Variants in LRRTM4 observed in about 807,000 individuals in gnomAD.
The protein encoded by LRRTM4 is leucine rich repeat transmembrane neuronal 4.
Under a neutral mutation model 47.6 loss-of-function variants are expected in LRRTM4, and 25 were observed. The ratio of observed to expected loss-of-function variants is 0.53; its 90% confidence interval spans 0.38 to 0.73. The LOEUF is 0.73. Ranked by LOEUF, LRRTM4 falls within the 30% of genes least tolerant of loss-of-function variation. The pLI is 0.00. For synonymous variants in LRRTM4, 311 were observed against 269.5 expected, an observed-to-expected ratio of 1.15 and a Z score of -1.51; for missense variants, 638 against 713.4, an observed-to-expected ratio of 0.89 and a Z score of 1.20.
intron 3 of LRRTM4, among the ~76,000 whole-genome samples, chr2:76,984,249 GCTT>G (rs763400757): frequency 2.8e-4 from 43 of 151,868 alleles, no homozygotes; most frequent in African/African-American, 9.4e-4. Context: ...AATAGCAATT[GCTT>G]TTTTATATAA....
intron 3 of LRRTM4, among the ~76,000 whole-genome samples, chr2:77,281,879 A>G (rs1323271924): frequency 6.6e-6 from 1 of 151,944 alleles, no homozygotes; most frequent in Non-Finnish European, 1.5e-5. Flanking sequence ...GGCATGCTAC[A>G]TAAAAAAATT....
chr2:76,807,399 T>G (rs1269000025), intron 3 of LRRTM4, among the ~76,000 whole-genome samples: 8 of 112,308 alleles, frequency 7.1e-5, no homozygotes, highest in African/African-American at 3.2e-4. Flanking sequence ...TATATATATA[T>G]GTATATACGT....
At chr2:77,046,473 AC>A (rs1256680567) in intron 3 of LRRTM4, among the ~76,000 whole-genome samples, 1 of 152,010 alleles carries the variant, frequency 6.6e-6, no homozygotes, top group Non-Finnish European at 1.5e-5. Context: ...TTTGAAAATA[AC>A]CTGATATCCA....
intron 3 of LRRTM4, among the ~76,000 whole-genome samples, chr2:76,773,239 C>T (rs187266176): frequency 2.6e-5 from 4 of 152,204 alleles, no homozygotes; most frequent in Non-Finnish European, 5.9e-5. Context: ...GTAGCAAACC[C>T]AGATGGCCTA....
At chr2:77,059,734 A>T (rs1343371981) in intron 3 of LRRTM4, among the ~76,000 whole-genome samples, 4 of 152,234 alleles carry the variant, frequency 2.6e-5, no homozygotes, top group Admixed American at 6.5e-5. Flanking sequence ...CCCAATGATC[A>T]TTACTTGACC....
chr2:77,411,380 T>C (rs1470333218), intron 3 of LRRTM4, among the ~76,000 whole-genome samples: 2 of 151,832 alleles, frequency 1.3e-5, no homozygotes, highest in African/African-American at 4.8e-5. Flanking sequence ...ATTTCTTTCT[T>C]TCTTTCTCTC....
intron 3 of LRRTM4, among the ~76,000 whole-genome samples, chr2:76,915,542 C>T (rs1318710651): frequency 6.6e-6 from 1 of 152,060 alleles, no homozygotes; most frequent in East Asian, 1.9e-4. Context: ...TGGACCTACC[C>T]GATGTTCTGG....
chr2:76,866,612 C>T (rs1672476772), intron 3 of LRRTM4, among the ~76,000 whole-genome samples: 1 of 152,028 alleles, frequency 6.6e-6, no homozygotes. Flanking sequence ...TGTTGTGTCA[C>T]ATCACTTTAG....
intron 3 of LRRTM4, among the ~76,000 whole-genome samples, chr2:76,887,676 T>A (rs1031805851): frequency 1.3e-5 from 2 of 150,382 alleles, no homozygotes; most frequent in African/African-American, 4.9e-5. Context: ...TATATATATA[T>A]GTGCACATAT....
At chr2:77,225,037 C>A (rs1161539057) in intron 3 of LRRTM4, among the ~76,000 whole-genome samples, 5 of 151,918 alleles carry the variant, frequency 3.3e-5, no homozygotes, top group African/African-American at 9.7e-5. Context: ...TGCAGCCATA[C>A]AAAATGATGA....
rs1448069527 is a variant in LRRTM4, at chr2:77,522,153, CA to C, written c.-193del. ...TGGCTTTTGCCATTCCCAGATAAAG[CA>C]ATTCATCCTCTGGATTTTCAGTTCT... On this transcript the variant is annotated 5_prime_UTR_variant, in exon 1 of 4. In the 5' UTR this introduces an upstream ATG that the reference lacks. Coordinates refer to ENST00000409884, the MANE Select transcript of LRRTM4 (RefSeq NM_001134745.3). 5.6e-6 allele frequency: 4 copies of C among 715,420 alleles called. 1 individual carries two copies. In the East Asian group the frequency reaches 1.1e-4, roughly 19 times the overall value. 44.3% of individuals were successfully genotyped at this position (715,420 alleles called of 1,614,324 possible).
chr2:77,330,430 ATTGT>A (rs971412890), intron 3 of LRRTM4, among the ~76,000 whole-genome samples: 3 of 152,152 alleles, frequency 2.0e-5, no homozygotes, highest in Admixed American at 6.5e-5. Flanking sequence ...AATATTACTA[ATTGT>A]TTGTATTTTG....
chr2:76,821,594 T>C (rs990546637), intron 3 of LRRTM4, among the ~76,000 whole-genome samples: 1 of 151,494 alleles, frequency 6.6e-6, no homozygotes, highest in Non-Finnish European at 1.5e-5. Flanking sequence ...GGAAACAGGG[T>C]AAAATAAAAA....
intron 3 of LRRTM4, among the ~76,000 whole-genome samples, chr2:77,391,304 ACT>A (rs1673495405): frequency 6.6e-6 from 1 of 151,762 alleles, no homozygotes; most frequent in Admixed American, 6.6e-5. Flanking sequence ...CACTTGGGAA[ACT>A]CTGCAGATGG....
intron 3 of LRRTM4, among the ~76,000 whole-genome samples, chr2:76,885,376 A>G (rs544522521): frequency 1.3e-5 from 2 of 151,968 alleles, no homozygotes; most frequent in South Asian, 2.1e-4. Flanking sequence ...TGTGCTCAAT[A>G]TATGATAACT....
chr2:76,814,643 G>A (rs947844282), intron 3 of LRRTM4, among the ~76,000 whole-genome samples: 1 of 151,906 alleles, frequency 6.6e-6, no homozygotes, highest in Non-Finnish European at 1.5e-5. Flanking sequence ...ATGAGAGGAG[G>A]GGTGTAGGTT....
chr2:76,923,342 T>C (rs903797317), intron 3 of LRRTM4, among the ~76,000 whole-genome samples: 3 of 152,016 alleles, frequency 2.0e-5, no homozygotes, highest in Non-Finnish European at 4.4e-5. Flanking sequence ...TGTAGAAAGT[T>C]TGTGAGCTGG....
chr2:77,105,618 C>T (rs112594515), intron 3 of LRRTM4, among the ~76,000 whole-genome samples: 3 of 151,944 alleles, frequency 2.0e-5, no homozygotes, highest in Non-Finnish European at 4.4e-5. Context: ...ACGTAACTAA[C>T]CTGCACGTTG....
chr2:77,334,714 A>G (rs1391776669), intron 3 of LRRTM4, among the ~76,000 whole-genome samples: 2 of 152,058 alleles, frequency 1.3e-5, no homozygotes, highest in Middle Eastern at 3.2e-3. Context: ...ATACAGTTAG[A>G]TTTCTTCTTG....
Sources: gnomAD v4.1 joint callset for allele counts (sites outside exome capture counted in the v4.1 genomes callset) on GRCh38, gnomAD v4.1.1 for gene constraint, MANE v1.5 for transcripts, NCBI Gene and HGNC (gene_info 2026-07-23, HGNC 2026-07-21) for gene names.